The following ULK4 variants were observed in gnomAD, a reference collection of about 807,000 sequenced individuals.
ULK4 encodes the protein unc-51 like kinase 4, also known as inactive serine/threonine-protein kinase ULK4.
Under a neutral mutation model 160.6 loss-of-function variants are expected in ULK4, and 133 were observed. The observed-to-expected ratio is 0.83, with a 90% confidence interval of 0.72 to 0.96. The LOEUF (loss-of-function observed/expected upper bound fraction) is 0.96. Ranked by LOEUF, ULK4 falls within the 40% of genes least tolerant of loss-of-function variation. The pLI, the probability that ULK4 is intolerant of heterozygous loss-of-function variation, is 0.00. For synonymous variants in ULK4, 534 were observed against 539.8 expected (o/e 0.99, Z 0.15); for missense variants, 1,580 against 1,499.5 (o/e 1.05, Z -0.89).
At chr3:41,588,444 G>T (rs2030998568) in intron 31 of ULK4, among the ~76,000 whole-genome samples, 1 of 152,088 alleles carries the variant, frequency 6.6e-6, no homozygotes, top group Non-Finnish European at 1.5e-5. Context: ...GAAGCTAAAA[G>T]AAACTATGGG....
At chr3:41,643,042 G>C (rs2034301491) in intron 30 of ULK4, among the ~76,000 whole-genome samples, 1 of 152,072 alleles carries the variant, frequency 6.6e-6, no homozygotes, top group Admixed American at 6.5e-5. Context: ...GGGGTTGTTT[G>C]TTTTTTTCTT....
chr3:41,313,884 A>C (rs529134414), intron 35 of ULK4, among the ~76,000 whole-genome samples: 1 of 152,296 alleles, frequency 6.6e-6, no homozygotes, highest in South Asian at 2.1e-4. Flanking sequence ...TGAAGCTAGG[A>C]CATAAAAGGT....
chr3:41,566,185 G>A (rs1045677198), intron 31 of ULK4, 55 bp from the exon 32 acceptor site: 73 of 1,464,330 alleles, frequency 5.0e-5, no homozygotes, highest in Non-Finnish European at 6.1e-5. Context: ...TTACATCATC[G>A]TAAAGACAAA....
intron 35 of ULK4, among the ~76,000 whole-genome samples, chr3:41,393,426 A>T (rs889723752): frequency 6.6e-6 from 1 of 152,100 alleles, no homozygotes; most frequent in Non-Finnish European, 1.5e-5. Flanking sequence ...ATCTGGCTCC[A>T]TGGATTTCTG....
intron 30 of ULK4, among the ~76,000 whole-genome samples, chr3:41,642,372 A>G (rs1458506384): frequency 3.3e-5 from 5 of 151,860 alleles, no homozygotes; most frequent in Non-Finnish European, 7.4e-5. Flanking sequence ...CCAGAGAGTG[A>G]TGTTCCCCTT....
intron 31 of ULK4, among the ~76,000 whole-genome samples, chr3:41,586,672 T>C (rs1042662741): frequency 6.6e-6 from 1 of 151,994 alleles, no homozygotes; most frequent in South Asian, 2.1e-4. Flanking sequence ...AATAGAAAGA[T>C]ACTAAGAAAA....
chr3:41,696,096 G>C (rs146120883), intron 27 of ULK4, among the ~76,000 whole-genome samples: 11 of 152,110 alleles, frequency 7.2e-5, no homozygotes, highest in Non-Finnish European at 1.3e-4. Flanking sequence ...TTAGCGGAAC[G>C]GGAAAGGCAA....
At chr3:41,435,515 A>T (rs756052595) in intron 34 of ULK4, among the ~76,000 whole-genome samples, 2 of 152,260 alleles carry the variant, frequency 1.3e-5, no homozygotes, top group African/African-American at 2.4e-5. Context: ...GTGTGGCCCA[A>T]AATAACTCAA....
chr3:41,823,190 C>T lies in ULK4; in HGVS notation c.1765-3684G>A, dbSNP rs143992226. Reference sequence around the variant, plus strand: ...CTTTCTGAAGGGATTTTTGAGCACACAGAAAATACAAACAACTCAGAAGAA... The same window carrying T: ...CTTTCTGAAGGGATTTTTGAGCACATAGAAAATACAAACAACTCAGAAGAA... On this transcript the variant is annotated intron_variant, in intron 18 of 36. Coordinates refer to ENST00000301831, the MANE Select transcript of ULK4 (RefSeq NM_017886.4). Among the ~76,000 whole-genome samples, 17 of 152,182 alleles carry T rather than the reference C, an allele frequency of 1.1e-4. No individual in the cohort carries two copies. The South Asian group carries it at 2.9e-3, about 26-fold the overall frequency.
intron 17 of ULK4, 87 bp downstream of exon 17, chr3:41,883,787 G>A (rs922965535): frequency 1.8e-6 from 2 of 1,120,774 alleles, no homozygotes; most frequent in African/African-American, 3.0e-5. Context: ...AACAAGTGAA[G>A]GTCGGTGAAA....
chr3:41,826,990 T>A (rs962316471), intron 18 of ULK4, among the ~76,000 whole-genome samples: 1 of 150,402 alleles, frequency 6.6e-6, no homozygotes, highest in Non-Finnish European at 1.5e-5. Flanking sequence ...AAACTAGAAC[T>A]CAGGATTAAG....
chr3:41,800,409 T>G, intron 19 of ULK4, 116 bp from the exon 20 acceptor site: 1 of 952,344 alleles, frequency 1.1e-6, no homozygotes, highest in Non-Finnish European at 1.6e-6. Flanking sequence ...TCTGGATGTG[T>G]TAGGCAACTT....
chr3:41,754,555 G>GTGT, intron 21 of ULK4, 67 bp from the exon 22 acceptor site: 1 of 1,518,832 alleles, frequency 6.6e-7, no homozygotes, highest in Non-Finnish European at 9.0e-7. Flanking sequence ...AATTCTCAGA[G>GTGT]TGAACAGACT....
chr3:41,813,481 T>C (rs1479169104), intron 19 of ULK4, among the ~76,000 whole-genome samples: 2 of 152,176 alleles, frequency 1.3e-5, no homozygotes, highest in Non-Finnish European at 2.9e-5. Flanking sequence ...GTTCTTCTTT[T>C]TGAGAAAGCC....
In ULK4 at chr3:41,864,868, C is replaced by G. The variant is rs1338170290; in HGVS notation, c.1656+19006G>C. On this transcript the variant is annotated intron_variant, in intron 17 of 36. Coordinates refer to ENST00000301831, the MANE Select transcript of ULK4 (RefSeq NM_017886.4). ...ACTCATTTTAAGAACTATCTACCCT[C>G]AGTTGGCCTTTCTCCAACCTCTATC... Among the ~76,000 whole-genome samples the G allele has an allele frequency of 3.9e-5, 6 of 152,186 alleles. No homozygotes were observed. In the East Asian group the frequency reaches 1.2e-3, roughly 29 times the overall value.
At chr3:41,639,686 C>T (rs2034104351) in intron 30 of ULK4, among the ~76,000 whole-genome samples, 1 of 152,170 alleles carries the variant, frequency 6.6e-6, no homozygotes, top group Admixed American at 6.5e-5. Context: ...CAAGATTGCG[C>T]CACTGCACTT....
At chr3:41,360,714 G>T (rs188665314) in intron 35 of ULK4, among the ~76,000 whole-genome samples, 1 of 152,126 alleles carries the variant, frequency 6.6e-6, no homozygotes, top group African/African-American at 2.4e-5. Flanking sequence ...GAGCCTGAAC[G>T]ATGAGAACAC....
At chr3:41,338,755 A>G (rs2080619246) in intron 35 of ULK4, among the ~76,000 whole-genome samples, 1 of 151,870 alleles carries the variant, frequency 6.6e-6, no homozygotes, top group Admixed American at 6.6e-5. Flanking sequence ...CATCTATATC[A>G]CATATATATA....
intron 30 of ULK4, among the ~76,000 whole-genome samples, chr3:41,633,188 G>T (rs2033818628): frequency 6.6e-6 from 1 of 152,150 alleles, no homozygotes; most frequent in Admixed American, 6.5e-5. Context: ...TATCCTTCAG[G>T]TCAGGGCTGG....
Sources: allele counts gnomAD v4.1 joint callset (sites outside exome capture counted in the v4.1 genomes callset), GRCh38; gene constraint gnomAD v4.1.1; transcripts MANE v1.5; gene names NCBI Gene and HGNC (gene_info 2026-07-23, HGNC 2026-07-21).